Variants in NDUFAF6 observed in about 807,000 individuals in gnomAD.
NDUFAF6 encodes NADH dehydrogenase (ubiquinone) complex I, assembly factor 6.
NDUFAF6 carries 45 observed loss-of-function variants against 40.8 expected under a neutral mutation model. That is an observed-to-expected ratio of 1.10 (90% CI 0.87 to 1.42). The LOEUF is 1.42. Ranked by LOEUF, NDUFAF6 falls within the 40% of genes most tolerant of loss-of-function variation. The probability of loss-of-function intolerance (pLI) is 0.00; values close to 1 mark genes in which losing one functional copy is unlikely to be tolerated. For synonymous variants in NDUFAF6, 185 were observed against 155.9 expected, an observed-to-expected ratio of 1.19 and a Z score of -1.39; for missense variants, 435 against 418.5, an observed-to-expected ratio of 1.04 and a Z score of -0.34.
downstream of NDUFAF6, among the ~76,000 whole-genome samples, chr8:95,059,617 G>A (rs1832516808): frequency 1.3e-5 from 2 of 152,150 alleles, no homozygotes; most frequent in South Asian, 4.1e-4. Flanking sequence ...GGGAGGCTGA[G>A]GCGGGTGGAT....
At chr8:94,996,452 A>G (rs1160930826) in intron 2 of NDUFAF6, among the ~76,000 whole-genome samples, 1 of 152,218 alleles carries the variant, frequency 6.6e-6, no homozygotes, top group Non-Finnish European at 1.5e-5. Flanking sequence ...AAGTATGAAA[A>G]TGGGGCATCT....
intron 2 of NDUFAF6, among the ~76,000 whole-genome samples, 195 bp from the exon 3 acceptor site, chr8:95,035,259 T>G (rs954623557): frequency 6.6e-6 from 1 of 152,230 alleles, no homozygotes. Context: ...AATGAATGAA[T>G]GAATTTATTT....
intron 2 of NDUFAF6, among the ~76,000 whole-genome samples, chr8:94,995,594 G>GAAA (rs111803578): frequency 1.4e-5 from 2 of 141,950 alleles, no homozygotes; most frequent in African/African-American, 5.1e-5. Context: ...AATAAAACTT[G>GAAA]AAAAAAAAAA....
Position 95,025,191 on chromosome 8 carries a change from C to T in NDUFAF6, c.183C>T (p.Cys61=). 1 of 1,454,430 alleles carries T rather than the reference C, an allele frequency of 6.9e-7. No homozygotes were observed. The highest frequency in any genetic ancestry group is 9.0e-7 in the Non-Finnish European group (1 of 1,115,722). 90.1% of individuals were successfully genotyped at this position (1,454,430 alleles called of 1,614,324 possible). A position where few individuals can be genotyped will look rare whatever the true frequency, so the allele number is the denominator to read the frequency against. ...GCGCCTGGGGCACTGACCACTACTG[C>T]CTGGAGCTGCTGCGGTGAGCGAGCA... ...GPGAWGTDHY[C]LELLRKRDYE... The change falls in exon 1 of 9, where the codon TGC becomes TGT. Residue 61 remains cysteine (C), a synonymous_variant. Transcript: ENST00000396124.
intron 2 of NDUFAF6, among the ~76,000 whole-genome samples, chr8:94,989,665 G>A (rs924714434): frequency 3.9e-5 from 6 of 152,276 alleles, no homozygotes; most frequent in African/African-American, 7.2e-5. Flanking sequence ...ATTCAGGTTC[G>A]TATTTTAATG....
Position 95,035,520 on chromosome 8 carries a change from G to A in NDUFAF6, c.364G>A (p.Glu122Lys). The change falls in exon 3 of 9, where the codon GAA (glutamate) becomes AAA (lysine). Residue 122 changes from glutamate (E) to lysine (K), a missense_variant. Coordinates refer to ENST00000396124, the MANE Select transcript of NDUFAF6 (RefSeq NM_152416.4). ...MRMQFWKKTV[E>K]DIYCDNPPHQ... is the part of the protein sequence containing the mutation. Reference sequence around the variant, plus strand: ...AATGCAGTTTTGGAAAAAAACTGTGGAAGATATATACTGTGACAATCCACC... The same window carrying A: ...AATGCAGTTTTGGAAAAAAACTGTGAAAGATATATACTGTGACAATCCACC... 2 of 1,612,936 alleles carry A rather than the reference G, an allele frequency of 1.2e-6. No homozygotes were observed. Among genetic ancestry groups the A allele is most frequent in the South Asian group, 2.2e-5 (2 of 91,042 alleles).
chr8:95,048,941 G>A (rs969168263), intron 7 of NDUFAF6, among the ~76,000 whole-genome samples: 9 of 152,160 alleles, frequency 5.9e-5, no homozygotes, highest in African/African-American at 2.2e-4. Flanking sequence ...TTCTCTGATA[G>A]GTGGCCTCTT....
intron 2 of NDUFAF6, among the ~76,000 whole-genome samples, chr8:94,994,255 T>C (rs1362063549): frequency 2.0e-5 from 3 of 152,068 alleles, no homozygotes; most frequent in Admixed American, 6.6e-5. Flanking sequence ...TTGAAAGCCA[T>C]GTTAAAAATG....
At chr8:95,016,142 C>CAT (rs112951714) in intron 2 of NDUFAF6, among the ~76,000 whole-genome samples, 21,754 of 152,048 alleles carry the variant, frequency 0.14, 1,575 homozygotes, top group Middle Eastern at 0.25. Flanking sequence ...TTGTGCCTTA[C>CAT]ATATATTAAT....
chr8:95,065,852 A>G (rs1169521370), intron 9 of NDUFAF6, among the ~76,000 whole-genome samples: 1 of 149,858 alleles, frequency 6.7e-6, no homozygotes, highest in East Asian at 2.0e-4. Context: ...CACCTTTTAT[A>G]TATTTAAAAT....
chr8:94,941,688 C>T (rs1821551288), intron 1 of NDUFAF6, among the ~76,000 whole-genome samples: 1 of 152,202 alleles, frequency 6.6e-6, no homozygotes, highest in South Asian at 2.1e-4. Context: ...AAACACCCTT[C>T]CTGTGTAGCA....
chr8:95,041,478 T>C, intron 3 of NDUFAF6, 92 bp from the exon 4 acceptor site: 1 of 851,772 alleles, frequency 1.2e-6, no homozygotes, highest in Non-Finnish European at 2.0e-6. Context: ...GTTCCCTTAC[T>C]TAGTTTTGTA....
At position 95,041,790 on chromosome 8, in the gene NDUFAF6, C is replaced by T. The variant is rs139591905; in HGVS notation, c.477+164C>T. Reference sequence around the variant, plus strand: ...TACTTTACCCTTGCATGCTACCCCCCATACCCTCACATTGAGACAGACAAG... The same window carrying T: ...TACTTTACCCTTGCATGCTACCCCCTATACCCTCACATTGAGACAGACAAG... On this transcript the variant is annotated intron_variant, in intron 4 of 8. Coordinates refer to ENST00000396124, the MANE Select transcript of NDUFAF6 (RefSeq NM_152416.4). 2.1e-3 allele frequency among the ~76,000 whole-genome samples: 323 copies of T among 152,288 alleles called. 6 individuals are homozygous for T. The South Asian group carries it at 0.037, about 17-fold the overall frequency.
intron 2 of NDUFAF6, among the ~76,000 whole-genome samples, chr8:94,982,895 G>C (rs1197874683): frequency 1.3e-5 from 2 of 152,204 alleles, no homozygotes; most frequent in Non-Finnish European, 1.5e-5. Flanking sequence ...CCTAAAAGGA[G>C]GACTAATAAA....
intron 2 of NDUFAF6, among the ~76,000 whole-genome samples, chr8:95,005,878 T>C (rs1826955146): frequency 1.3e-5 from 2 of 152,116 alleles, no homozygotes; most frequent in African/African-American, 4.8e-5. Flanking sequence ...TGAGTAACTA[T>C]GCATGCTTCC....
At chr8:95,026,678 G>A (rs1306443545) in intron 1 of NDUFAF6, among the ~76,000 whole-genome samples, 1 of 152,048 alleles carries the variant, frequency 6.6e-6, no homozygotes, top group Non-Finnish European at 1.5e-5. Context: ...CCCAATAGCC[G>A]CTAGTGTCAT....
At chr8:95,064,398 T>G (rs1268153561) in intron 9 of NDUFAF6, among the ~76,000 whole-genome samples, 1 of 152,184 alleles carries the variant, frequency 6.6e-6, no homozygotes, top group African/African-American at 2.4e-5. Flanking sequence ...GTTTATTTTC[T>G]TCTTACACAA....
At chr8:95,064,010 T>G (rs1162110037) in intron 9 of NDUFAF6, among the ~76,000 whole-genome samples, 1 of 150,264 alleles carries the variant, frequency 6.7e-6, no homozygotes, top group African/African-American at 2.4e-5. Flanking sequence ...TAGCTGGGAC[T>G]ACACGTGCCC....
chr8:94,993,752 A>T (rs1453049103), intron 2 of NDUFAF6, among the ~76,000 whole-genome samples: 5 of 152,230 alleles, frequency 3.3e-5, no homozygotes, highest in African/African-American at 1.2e-4. Context: ...GTGCCCATCC[A>T]GCCCACAAAA....
Sources: gnomAD v4.1 joint callset for allele counts (sites outside exome capture counted in the v4.1 genomes callset) on GRCh38, gnomAD v4.1.1 for gene constraint, MANE v1.5 for transcripts, NCBI Gene and HGNC (gene_info 2026-07-23, HGNC 2026-07-21) for gene names.